Variants in STAMBPL1 observed in about 807,000 individuals in gnomAD.
STAMBPL1 encodes the protein STAM binding protein like 1, also known as AMSH-like protease.
STAMBPL1 carries 44 observed loss-of-function variants against 52.9 expected under a neutral mutation model. That is an observed-to-expected ratio of 0.83 (90% CI 0.65 to 1.07). STAMBPL1 has a LOEUF of 1.07. Ranked by LOEUF, STAMBPL1 falls within the 50% of genes least tolerant of loss-of-function variation. STAMBPL1 has a pLI of 0.00. For synonymous variants in STAMBPL1, 164 were observed against 177.3 expected, an observed-to-expected ratio of 0.92 and a Z score of 0.60; for missense variants, 511 against 520.8, an observed-to-expected ratio of 0.98 and a Z score of 0.18.
chr10:88,910,567 G>A (rs1291260431), intron 4 of STAMBPL1, among the ~76,000 whole-genome samples: 2 of 152,118 alleles, frequency 1.3e-5, no homozygotes, highest in African/African-American at 4.8e-5. Flanking sequence ...CATGATTTAT[G>A]TACTATAGAA....
At chr10:88,913,029 G>T in intron 5 of STAMBPL1, 72 bp from the exon 6 acceptor site, 1 of 1,316,518 alleles carries the variant, frequency 7.6e-7, no homozygotes, top group Non-Finnish European at 1.0e-6. Context: ...CTTGAAGACT[G>T]AAAATGTCTA....
chr10:88,886,123 A>C (rs1298888371), intron 1 of STAMBPL1, among the ~76,000 whole-genome samples: 1 of 152,246 alleles, frequency 6.6e-6, no homozygotes, highest in Non-Finnish European at 1.5e-5. Context: ...AAATTGGAAC[A>C]CTTCTTAATA....
intron 7 of STAMBPL1, 62 bp downstream of exon 7, chr10:88,914,720 C>A: frequency 1.3e-6 from 1 of 762,748 alleles, no homozygotes; most frequent in Non-Finnish European, 1.7e-6. Flanking sequence ...TTTAATAGTA[C>A]TAGATTTCTT....
intron 1 of STAMBPL1, among the ~76,000 whole-genome samples, chr10:88,887,534 TTA>T (rs994858643): frequency 6.6e-6 from 1 of 152,062 alleles, no homozygotes; most frequent in Admixed American, 6.5e-5. Context: ...CAGCCTTCCT[TTA>T]TATCTTTTTA....
Position 88,910,949 on chromosome 10 carries a change from G to A in STAMBPL1, c.358G>A (p.Glu120Lys). ...LKEIAFPRTDELKNDLLKKYN... is the reference protein window; with the variant it reads ...LKEIAFPRTDKLKNDLLKKYN... ...GGAGATTGCATTCCCAAGGACAGAT[G>A]AATTGAAAAACGACCTTTTAAAGAA... The change falls in exon 5 of 11, where the codon GAA becomes AAA. Residue 120 changes from glutamate (E) to lysine (K), a missense_variant. Transcript: ENST00000371926. 6.3e-7 allele frequency: 1 copy of A among 1,597,980 alleles called. No homozygotes were observed.
At chr10:88,882,214 T>A (rs1589343224) in intron 1 of STAMBPL1, 1 of 152,238 alleles carries the variant, frequency 6.6e-6, no homozygotes, top group Admixed American at 6.5e-5. Context: ...GCCTGTTTCT[T>A]GGTACTCTTG....
At chr10:88,912,669 C>T (rs1845256144) in intron 5 of STAMBPL1, 1 of 160,660 alleles carries the variant, frequency 6.2e-6, no homozygotes, top group South Asian at 1.8e-4. Context: ...TGACTAGTGT[C>T]CCTGAGGTAC....
At position 88,887,691 on chromosome 10, in the gene STAMBPL1, AT is replaced by A. The variant is rs200918358; in HGVS notation, c.-54+7063del. 1.7e-4 allele frequency among the ~76,000 whole-genome samples: 25 copies of A among 149,946 alleles called. No individual in the cohort carries two copies. The South Asian group carries it at 4.2e-3, about 25-fold the overall frequency. On this transcript the variant is annotated intron_variant, in intron 1 of 10. Transcript: ENST00000371926. Reference sequence around the variant, plus strand: ...GTGCTGCCACACCTAGCTATTTTTAATTTTTTTTTTGGTAGAGACGAGGTTT... The same window carrying A: ...GTGCTGCCACACCTAGCTATTTTTAATTTTTTTTTGGTAGAGACGAGGTTT...
At chr10:88,909,499 ACACT>A in intron 4 of STAMBPL1, among the ~76,000 whole-genome samples, 1 of 152,300 alleles carries the variant, frequency 6.6e-6, no homozygotes, top group Non-Finnish European at 1.5e-5. Flanking sequence ...TTTTTGAAAA[ACACT>A]TTACCAAATA....
intron 2 of STAMBPL1, 66 bp from the exon 3 acceptor site, chr10:88,905,377 A>G: frequency 8.0e-7 from 1 of 1,252,132 alleles, no homozygotes; most frequent in South Asian, 1.2e-5. Context: ...TATGTCCATA[A>G]TATTAGTCAT....
chr10:88,892,609 TAAG>T (rs1258531410), intron 1 of STAMBPL1, among the ~76,000 whole-genome samples: 4 of 152,164 alleles, frequency 2.6e-5, no homozygotes, highest in Non-Finnish European at 4.4e-5. Flanking sequence ...CAGGGAAAGT[TAAG>T]AAGGAAACTT....
intron 1 of STAMBPL1, among the ~76,000 whole-genome samples, chr10:88,894,997 A>G (rs1006801324): frequency 1.3e-5 from 2 of 152,178 alleles, no homozygotes; most frequent in African/African-American, 4.8e-5. Context: ...GCCTTTTGTA[A>G]TGGCATTTTA....
At chr10:88,910,119 G>C (rs1476600368) in intron 4 of STAMBPL1, among the ~76,000 whole-genome samples, 1 of 152,026 alleles carries the variant, frequency 6.6e-6, no homozygotes, top group Non-Finnish European at 1.5e-5. Flanking sequence ...CATTTCCCTT[G>C]TTTATGCTTA....
At chr10:88,913,754 T>C (rs1845292398) in intron 6 of STAMBPL1, among the ~76,000 whole-genome samples, 1 of 152,002 alleles carries the variant, frequency 6.6e-6, no homozygotes, top group Non-Finnish European at 1.5e-5. Flanking sequence ...TTGTCTTCTA[T>C]GTATTTTAAC....
At chr10:88,881,909 G>C (rs1229027300) in intron 1 of STAMBPL1, among the ~76,000 whole-genome samples, 1 of 152,170 alleles carries the variant, frequency 6.6e-6, no homozygotes, top group East Asian at 1.9e-4. Flanking sequence ...TGAGCAGTAG[G>C]CTCTTTTTGT....
intron 2 of STAMBPL1, 25 bp downstream of exon 2, chr10:88,901,763 A>G (rs1844948823): frequency 1.9e-6 from 3 of 1,609,148 alleles, no homozygotes; most frequent in East Asian, 2.2e-5. Flanking sequence ...CTGATATCTA[A>G]CATTTGGTTG....
chr10:88,887,760 G>A (rs1844573906), intron 1 of STAMBPL1, among the ~76,000 whole-genome samples: 2 of 152,056 alleles, frequency 1.3e-5, no homozygotes, highest in Non-Finnish European at 2.9e-5. Context: ...GGGCTCAAGT[G>A]ATCTTTCCAC....
At chr10:88,899,008 G>A (rs1446005750) in intron 1 of STAMBPL1, among the ~76,000 whole-genome samples, 1 of 152,174 alleles carries the variant, frequency 6.6e-6, no homozygotes, top group African/African-American at 2.4e-5. Flanking sequence ...GGAGTTGCTG[G>A]TGTTGGTAGT....
At chr10:88,917,846 G>T (rs1370589794) in intron 8 of STAMBPL1, among the ~76,000 whole-genome samples, 2 of 152,060 alleles carry the variant, frequency 1.3e-5, no homozygotes, top group Admixed American at 6.6e-5. Flanking sequence ...CAAGATCAAG[G>T]CACCAGCATT....
Sources: gnomAD v4.1 joint callset for allele counts (sites outside exome capture counted in the v4.1 genomes callset) on GRCh38, gnomAD v4.1.1 for gene constraint, MANE v1.5 for transcripts, NCBI Gene and HGNC (gene_info 2026-07-23, HGNC 2026-07-21) for gene names.